Variants in PROM2 observed in about 807,000 individuals in gnomAD.
The protein encoded by PROM2 is prominin 2, also known as prominin-2.
PROM2 carries 90 observed loss-of-function variants against 110.2 expected under a neutral mutation model. That is an observed-to-expected ratio of 0.82 (90% CI 0.69 to 0.97). The LOEUF is 0.97. Ranked by LOEUF, PROM2 falls within the 50% of genes least tolerant of loss-of-function variation. PROM2 has a pLI of 0.00. For synonymous variants in PROM2, 470 were observed against 467.8 expected, an observed-to-expected ratio of 1.00 and a Z score of -0.06; for missense variants, 1,009 against 1,074.8, an observed-to-expected ratio of 0.94 and a Z score of 0.86.
Position 95,286,831 on chromosome 2 carries a change from C to T in PROM2, c.2068C>T (p.Leu690=), listed in dbSNP as rs952192318. 2.5e-6 allele frequency: 4 copies of T among 1,613,764 alleles called. No homozygotes were observed. The highest frequency in any genetic ancestry group is 1.7e-5 in the Admixed American group (1 of 59,998). The change falls in exon 18 of 24, where the codon CTG becomes TTG. Residue 690 remains leucine, a synonymous_variant. Coordinates refer to ENST00000317620, the MANE Select transcript of PROM2 (RefSeq NM_001165978.3). ...VAKLNLSVRA[L]ESSAPNLQLE... ...AAAGCTCAACCTCAGCGTCAGGGCC[C>T]TGGAGTCCTCTGCCCCGAATCTCCA...
chr2:95,289,250 C>A lies in PROM2; in HGVS notation c.*37C>A, dbSNP rs539214441. On this transcript the variant is annotated 3_prime_UTR_variant, in exon 24 of 24. Transcript: ENST00000317620. ...GTGAGGTGACCCTGAGGCTGCCTGT[C>A]CTCCCCTTTGATTTAGCCTGGGCCA... 16 of 553,250 alleles carry A rather than the reference C, an allele frequency of 2.9e-5. No individual in the cohort carries two copies. The highest frequency in any genetic ancestry group is 4.9e-4 in the Middle Eastern group (1 of 2,042). 34.3% of individuals were successfully genotyped at this position (553,250 alleles called of 1,614,324 possible).
At chr2:95,274,867 G>A (rs1676555808) in intron 1 of PROM2, 38 bp downstream of exon 1, 2 of 1,498,294 alleles carry the variant, frequency 1.3e-6, no homozygotes, top group South Asian at 1.3e-5. Context: ...CTCAGCATTT[G>A]GGTCCCCAGC....
At position 95,276,805 on chromosome 2, in the gene PROM2, T is replaced by C; in HGVS notation, c.682+148T>C. The C allele has an allele frequency of 2.7e-6, 3 of 1,104,326 alleles. No homozygotes were observed. The highest frequency in any genetic ancestry group is 4.0e-6 in the Non-Finnish European group (3 of 753,170). The allele number at this position is 1,104,326 out of a possible 1,614,324, so 68.4% of individuals were successfully genotyped here. On this transcript the variant is annotated intron_variant, in intron 5 of 23. Coordinates refer to ENST00000317620, the MANE Select transcript of PROM2 (RefSeq NM_001165978.3). The surrounding 1 kb of genome is among the most constrained non-coding windows in gnomAD (Gnocchi z 4.6). ...GATCAGGCCGGCTGGAGAGCAAGAG[T>C]GGCCGCCACTCAGCTGCTGGAGGAA...
intron 13 of PROM2, 61 bp from the exon 14 acceptor site, chr2:95,282,081 G>A: frequency 3.7e-6 from 6 of 1,608,290 alleles, no homozygotes; most frequent in South Asian, 1.1e-5. Flanking sequence ...TGTCCCTCAG[G>A]GGACATCAGC....
chr2:95,282,273 C>G, intron 14 of PROM2, 47 bp downstream of exon 14: 1 of 1,477,740 alleles, frequency 6.8e-7, no homozygotes, highest in East Asian at 2.4e-5. Context: ...TCAGATCCCC[C>G]TCCTCTGGTC....
intron 7 of PROM2, 174 bp from the exon 8 acceptor site, chr2:95,277,756 T>TACA: frequency 1.3e-6 from 1 of 753,842 alleles, no homozygotes; most frequent in Non-Finnish European, 2.2e-6. Flanking sequence ...GAACTTCATG[T>TACA]GTGTGAGCTC....
In PROM2 at chr2:95,279,066, G is replaced by T. The variant is rs376300412; in HGVS notation, c.1196G>T (p.Arg399Leu). Residue 399 changes from arginine to leucine, a missense_variant, in exon 10 of 24, where the codon CGC becomes CTC. Physicochemically the swap from Arg to Leu is moderately radical, Grantham distance 102. Transcript: ENST00000317620. Reference protein sequence around the residue: ...EGFPGLEAASRWAQALQEVEE... With the variant: ...EGFPGLEAASLWAQALQEVEE... ...TTCCCGGGCTTGGAGGCAGCTTCCC[G>T]CTGGGCCCAGGCACTGCAGGAGGTG... 4 of 1,612,524 alleles carry T rather than the reference G, an allele frequency of 2.5e-6. No individual in the cohort carries two copies. The highest frequency in any genetic ancestry group is 3.4e-6 in the Non-Finnish European group (4 of 1,179,630).
chr2:95,278,067 C>T, intron 8 of PROM2, 63 bp downstream of exon 8: 2 of 1,426,388 alleles, frequency 1.4e-6, no homozygotes, highest in Non-Finnish European at 1.9e-6. Flanking sequence ...TCTGTTTCCC[C>T]CTTTTGGGCA....
At chr2:95,284,137 G>A (rs1677206431) in intron 14 of PROM2, among the ~76,000 whole-genome samples, 1 of 152,212 alleles carries the variant, frequency 6.6e-6, no homozygotes, top group Non-Finnish European at 1.5e-5. Context: ...TCTGGGGCTT[G>A]GGGTGTCCAG....
At chr2:95,277,649 C>T in intron 7 of PROM2, 83 bp downstream of exon 7, 2 of 1,339,042 alleles carry the variant, frequency 1.5e-6, no homozygotes, top group Non-Finnish European at 2.0e-6. Flanking sequence ...TTCCCAGTCC[C>T]CTTGCCCCAA....
Position 95,276,946 on chromosome 2 carries a change from CCTGCAGA to C in PROM2, c.683-21_683-15del, listed in dbSNP as rs1326976798. 6.5e-7 allele frequency: 1 copy of C among 1,550,078 alleles called. No homozygotes were observed. Among genetic ancestry groups the C allele is most frequent in the Admixed American group, 2.0e-5 (1 of 50,998 alleles). ...GGCCCCTCCACTCTTGGGGTCCCAC[CCTGCAGA>C]CTGCCCTGTGCTCTGCAGGTGTTGG... On this transcript the variant is annotated intron_variant, in intron 5 of 23. Coordinates refer to ENST00000317620, the MANE Select transcript of PROM2 (RefSeq NM_001165978.3). This position sits in a 1 kb window ranked among gnomAD's most constrained non-coding sequence, Gnocchi z 4.6.
chr2:95,276,655 A>T lies in PROM2; in HGVS notation c.680A>T (p.Asp227Val). ...CAGGAGCAAGTCTCAGAGGAGCTGG[A>T]TGGTGAGGGTCTCGGGGACTGGCAG... ...LPQEQVSEEL[D>V]GVGVSIGSAI... Residue 227 changes from aspartate (D) to valine (V), a missense_variant and splice_region_variant, in exon 5 of 24, where the codon GAT becomes GTT. Coordinates refer to ENST00000317620, the MANE Select transcript of PROM2 (RefSeq NM_001165978.3). This position sits in a 1 kb window ranked among gnomAD's most constrained non-coding sequence, Gnocchi z 4.6. The T allele has an allele frequency of 6.2e-7, 1 of 1,612,706 alleles. No individual in the cohort carries two copies.
Position 95,277,369 on chromosome 2 carries a change from C to G in PROM2, c.778C>G (p.Gln260Glu). Residue 260 changes from glutamine to glutamate, a missense_variant, in exon 7 of 24, where the codon CAG becomes GAG. Coordinates refer to ENST00000317620, the MANE Select transcript of PROM2 (RefSeq NM_001165978.3). ...AAVGSLGQVL[Q>E]VSVHHLQTLN... ...GCTGGGTGTGGGTCTCTCAGTCCTG[C>G]AGGTCTCCGTGCACCACCTGCAAAC... 6.2e-7 allele frequency: 1 copy of G among 1,609,858 alleles called. No homozygotes were observed. Among genetic ancestry groups the G allele is most frequent in the Non-Finnish European group, 8.5e-7 (1 of 1,178,042 alleles).
Position 95,281,330 on chromosome 2 carries a change from G to T in PROM2, c.1516G>T (p.Val506Leu), listed in dbSNP as rs1394690852. ...GGTGGGTGGCAACGTGCAGACGCTG[G>T]TGTGCCAGAGCTGGGAGAACGGCGA... ...FLVGGNVQTL[V>L]CQSWENGELF... Residue 506 changes from valine to leucine, a missense_variant, in exon 12 of 24, where the codon GTG (valine) becomes TTG (leucine). By Grantham distance (32) the Val-to-Leu change is conservative. Coordinates refer to ENST00000317620, the MANE Select transcript of PROM2 (RefSeq NM_001165978.3). 1 of 1,613,286 alleles carries T rather than the reference G, an allele frequency of 6.2e-7. No individual in the cohort carries two copies.
chr2:95,286,721 C>A, intron 17 of PROM2, 83 bp from the exon 18 acceptor site: 1 of 908,820 alleles, frequency 1.1e-6, no homozygotes, highest in Non-Finnish European at 1.7e-6. Context: ...CTCCCCTCCC[C>A]TCCACTCCCC....
At chr2:95,281,132 C>T in intron 11 of PROM2, 110 bp from the exon 12 acceptor site, 1 of 1,452,896 alleles carries the variant, frequency 6.9e-7, no homozygotes. Flanking sequence ...AGGCTCTGTG[C>T]TGGGGCCAAC....
intron 6 of PROM2, 23 bp from the exon 7 acceptor site, chr2:95,277,341 C>A: frequency 6.3e-7 from 1 of 1,590,200 alleles, no homozygotes; most frequent in South Asian, 1.1e-5. Context: ...GGACCCTGCT[C>A]AGGCTGGGTG....
In PROM2 at chr2:95,276,592, A is replaced by G. The variant is rs779182635; in HGVS notation, c.619-2A>G. The G allele has an allele frequency of 6.2e-7, 1 of 1,613,860 alleles. No homozygotes were observed. Among genetic ancestry groups the G allele is most frequent in the South Asian group, 1.1e-5 (1 of 91,070 alleles). On this transcript the variant is annotated splice_acceptor_variant, in intron 4 of 23. Coordinates refer to ENST00000317620, the MANE Select transcript of PROM2 (RefSeq NM_001165978.3). LOFTEE classifies it high-confidence loss of function. This position sits in a 1 kb window ranked among gnomAD's most constrained non-coding sequence, Gnocchi z 4.6. ...CAGCCTCAGGGCCTTGTGTTTGCCT[A>G]GGAGCTGCAGGCCGTGGCACAGCAA...
At position 95,281,319 on chromosome 2, in the gene PROM2, T is replaced by A; in HGVS notation, c.1505T>A (p.Val502Glu). Residue 502 changes from valine to glutamate, a missense_variant, in exon 12 of 24, where the codon GTG becomes GAG. Coordinates refer to ENST00000317620, the MANE Select transcript of PROM2 (RefSeq NM_001165978.3). ...VFATFLVGGN[V>E]QTLVCQSWEN... ...GCCACCTTCCTGGTGGGTGGCAACG[T>A]GCAGACGCTGGTGTGCCAGAGCTGG... The A allele has an allele frequency of 6.2e-7, 1 of 1,613,294 alleles. No individual in the cohort carries two copies. Among genetic ancestry groups the A allele is most frequent in the Non-Finnish European group, 8.5e-7 (1 of 1,179,918 alleles).
Sources: gnomAD v4.1 joint callset for allele counts (sites outside exome capture counted in the v4.1 genomes callset) on GRCh38, gnomAD v4.1.1 for gene constraint, Gnocchi (gnomAD v3.1) non-coding constraint, MANE v1.5 for transcripts, NCBI Gene and HGNC (gene_info 2026-07-23, HGNC 2026-07-21) for gene names.